MAGI1: variants seen among roughly 807,000 people sequenced by gnomAD.
The protein encoded by MAGI1 is membrane-associated guanylate kinase, WW and PDZ domain-containing protein 1.
In MAGI1, 58 loss-of-function variants were observed where a neutral mutation model predicts 139.9. That is an observed-to-expected ratio of 0.41 (90% CI 0.34 to 0.52). The LOEUF is 0.52. Ranked by LOEUF, MAGI1 falls within the 20% of genes least tolerant of loss-of-function variation. The probability of loss-of-function intolerance (pLI) is 0.12; values close to 1 mark genes in which losing one functional copy is unlikely to be tolerated. For synonymous variants in MAGI1, 812 were observed against 737.9 expected (o/e 1.10, Z -1.63); for missense variants, 1,874 against 1,901.6 (o/e 0.99, Z 0.27).
intron 1 of MAGI1, among the ~76,000 whole-genome samples, chr3:65,716,027 A>T (rs1020887747): frequency 3.9e-5 from 6 of 152,222 alleles, no homozygotes; most frequent in African/African-American, 1.4e-4. Flanking sequence ...TCAGTTCTGT[A>T]TTCTAAGGCC....
chr3:65,646,451 TAG>T (rs1559751310), intron 1 of MAGI1, among the ~76,000 whole-genome samples: 4 of 152,126 alleles, frequency 2.6e-5, no homozygotes, highest in African/African-American at 9.7e-5. Context: ...CAATCGTTGT[TAG>T]AGACTTTAAC....
chr3:65,680,650 A>C (rs2087521232), intron 1 of MAGI1, among the ~76,000 whole-genome samples: 1 of 152,084 alleles, frequency 6.6e-6, no homozygotes, highest in Admixed American at 6.5e-5. Flanking sequence ...TGAACTCCTG[A>C]ACTCAAGTGA....
In MAGI1 at chr3:65,902,851, C is replaced by A. The variant is rs184472579; in HGVS notation, c.313+135145G>T. 8.5e-5 allele frequency: 13 copies of A among 152,804 alleles called. No homozygotes were observed. In the East Asian group the frequency reaches 2.5e-3, roughly 29 times the overall value. 9.5% of individuals were successfully genotyped at this position (152,804 alleles called of 1,614,324 possible). On this transcript the variant is annotated intron_variant, in intron 1 of 22. Transcript: ENST00000402939. ...AAAGCAGAGAGAAAATGAAAATTGC[C>A]TTAAGGAGCTTTAACAAAATCAGAA...
At chr3:65,677,160 G>A (rs2087249456) in intron 1 of MAGI1, among the ~76,000 whole-genome samples, 1 of 152,180 alleles carries the variant, frequency 6.6e-6, no homozygotes, top group African/African-American at 2.4e-5. Flanking sequence ...AATCTTTAGA[G>A]TTCAGACTAG....
intron 1 of MAGI1, among the ~76,000 whole-genome samples, chr3:65,710,541 T>C (rs2031243134): frequency 6.6e-6 from 1 of 152,114 alleles, no homozygotes; most frequent in African/African-American, 2.4e-5. Flanking sequence ...CCTCCCAAAG[T>C]GCTGGGATTA....
At chr3:65,686,382 C>A (rs1251956223) in intron 1 of MAGI1, among the ~76,000 whole-genome samples, 1 of 152,144 alleles carries the variant, frequency 6.6e-6, no homozygotes, top group Non-Finnish European at 1.5e-5. Flanking sequence ...ACTTCCGCCT[C>A]CTGGATTCAA....
At chr3:65,885,174 A>T (rs141988916) in intron 1 of MAGI1, among the ~76,000 whole-genome samples, 3 of 152,268 alleles carry the variant, frequency 2.0e-5, no homozygotes, top group African/African-American at 7.2e-5. Context: ...CGAGGTGGGC[A>T]GATCACCTGA....
In MAGI1 at chr3:65,648,557, A is replaced by G. The variant is rs893236228; in HGVS notation, c.314-26469T>C. On this transcript the variant is annotated intron_variant, in intron 1 of 22. Transcript: ENST00000402939. ...TACTGAAAACTAGAAAACAGTGATG[A>G]AATTAAGATCCCCTAAATAAATAGT... 2.6e-5 allele frequency among the ~76,000 whole-genome samples: 4 copies of G among 152,342 alleles called. No individual in the cohort carries two copies. The East Asian group carries it at 5.8e-4, about 22-fold the overall frequency.
intron 1 of MAGI1, chr3:65,954,538 T>A (rs1236269601): frequency 6.6e-6 from 1 of 152,620 alleles, no homozygotes; most frequent in Non-Finnish European, 1.5e-5. Flanking sequence ...GACCCCAGGT[T>A]TGTTGCTACA....
In MAGI1 at chr3:65,635,528, A is replaced by G. The variant is rs540760767; in HGVS notation, c.314-13440T>C. 4.7e-4 allele frequency among the ~76,000 whole-genome samples: 72 copies of G among 152,346 alleles called. 1 individual carries two copies. Among genetic ancestry groups the G allele is most frequent in the African/African-American group, 1.6e-3 (68 of 41,584 alleles). On this transcript the variant is annotated intron_variant, in intron 1 of 22. Transcript: ENST00000402939. ...CATATGAAGAAACCAAGAGAGTGAC[A>G]TCTGAATGGCACAGACTTCCAGAGA... is the stretch of plus-strand genomic sequence containing the variant.
chr3:65,546,599 A>G (rs902405642), intron 2 of MAGI1, among the ~76,000 whole-genome samples: 2 of 152,228 alleles, frequency 1.3e-5, no homozygotes, highest in Admixed American at 6.5e-5. Context: ...ACCACATCAG[A>G]GAAGATATTC....
At position 65,356,828 on chromosome 3, in the gene MAGI1, T is replaced by G. The variant is rs1349614602; in HGVS notation, c.3939A>C (p.Ala1313=). 1 of 1,612,084 alleles carries G rather than the reference T, an allele frequency of 6.2e-7. No homozygotes were observed. Among genetic ancestry groups the G allele is most frequent in the Admixed American group, 1.7e-5 (1 of 59,890 alleles). The change falls in exon 23 of 23, where the codon GCA becomes GCC. Residue 1313 remains alanine, a synonymous_variant. Transcript: ENST00000402939. The part of the protein sequence containing the change: ...GRRDAQAERA[A]AANGPKRRSP... ...ACCGCCTCTTGGGGCCGTTGGCGGC[T>G]GCCGCGCGCTCGGCCTGCGCGTCCC...
intron 1 of MAGI1, among the ~76,000 whole-genome samples, chr3:65,712,495 T>C (rs2031599032): frequency 6.7e-6 from 1 of 148,474 alleles, no homozygotes; most frequent in Non-Finnish European, 1.5e-5. Context: ...AATAAAATTG[T>C]GTTTTGTTTT....
chr3:65,710,297 T>TG (rs2031188740), intron 1 of MAGI1, among the ~76,000 whole-genome samples: 1 of 119,296 alleles, frequency 8.4e-6, no homozygotes, highest in Admixed American at 8.0e-5. Context: ...TTTTTTTTTT[T>TG]GAGACAGAGT....
chr3:65,469,956 T>A (rs1950454326), intron 5 of MAGI1: 1 of 147,902 alleles, frequency 6.8e-6, no homozygotes, highest in Non-Finnish European at 1.5e-5. Flanking sequence ...AAATATTTAT[T>A]AAAATATTTA....
chr3:65,624,575 A>C (rs1038146695), intron 1 of MAGI1, among the ~76,000 whole-genome samples: 29 of 152,202 alleles, frequency 1.9e-4, no homozygotes, highest in African/African-American at 7.0e-4. Flanking sequence ...TGGACTAAAA[A>C]ATTTTGGAAC....
chr3:65,914,383 T>C (rs921788677), intron 1 of MAGI1, among the ~76,000 whole-genome samples: 1 of 152,344 alleles, frequency 6.6e-6, no homozygotes, highest in Admixed American at 6.5e-5. Context: ...ACTGGGGTAC[T>C]TCCTGGTTTC....
intron 2 of MAGI1, among the ~76,000 whole-genome samples, chr3:65,557,058 A>T (rs902762966): frequency 1.3e-5 from 2 of 152,208 alleles, no homozygotes; most frequent in Non-Finnish European, 2.9e-5. Flanking sequence ...GAACTTTCCA[A>T]CAAATCCCCA....
intron 1 of MAGI1, among the ~76,000 whole-genome samples, chr3:65,839,355 G>A (rs2058730385): frequency 6.6e-6 from 1 of 151,928 alleles, no homozygotes; most frequent in African/African-American, 2.4e-5. Flanking sequence ...TACAGTTAAT[G>A]TATTTATTAT....
Sources: allele counts gnomAD v4.1 joint callset (sites outside exome capture counted in the v4.1 genomes callset), GRCh38; gene constraint gnomAD v4.1.1; transcripts MANE v1.5; gene names NCBI Gene and HGNC (gene_info 2026-07-23, HGNC 2026-07-21).